Variants in TRIM37 observed in about 807,000 individuals in gnomAD.
TRIM37 encodes tripartite motif containing 37, also known as E3 ubiquitin-protein ligase TRIM37.
In TRIM37, 80 loss-of-function variants were observed where a neutral mutation model predicts 129.8. That is an observed-to-expected ratio of 0.62 (90% CI 0.51 to 0.74). The LOEUF is 0.74. Ranked by LOEUF, TRIM37 falls within the 30% of genes least tolerant of loss-of-function variation. TRIM37 has a pLI of 0.00. For missense variants in TRIM37, 1,054 were observed against 1,176.5 expected (o/e 0.90, Z 1.52); for synonymous variants, 389 against 387.1 (o/e 1.00, Z -0.06).
At chr17:59,032,169 T>G in intron 17 of TRIM37, 79 bp from the exon 18 acceptor site, 6 of 1,347,934 alleles carry the variant, frequency 4.5e-6, no homozygotes, top group Non-Finnish European at 6.3e-6. Flanking sequence ...CTGGTTAACA[T>G]TATATGAATA....
chr17:58,968,515 G>A, the TRIM37 span, among the ~76,000 whole-genome samples: 2 of 152,106 alleles, frequency 1.3e-5, no homozygotes, highest in South Asian at 4.1e-4. Context: ...ACAGCAACTC[G>A]TCCCTGCCTA....
downstream of TRIM37, chr17:58,979,951 C>G (rs1284680022): frequency 6.3e-7 from 1 of 1,581,560 alleles, no homozygotes; most frequent in Non-Finnish European, 8.6e-7. Context: ...GCTAATGATG[C>G]CCCTACACTC....
intron 9 of TRIM37, among the ~76,000 whole-genome samples, chr17:59,067,193 A>G (rs2041986815): frequency 6.6e-6 from 1 of 152,142 alleles, no homozygotes; most frequent in African/African-American, 2.4e-5. Context: ...ACATCTCCAT[A>G]TTATGCTCAT....
intron 19 of TRIM37, among the ~76,000 whole-genome samples, chr17:59,020,235 A>C (rs2036447996): frequency 1.2e-5 from 1 of 83,102 alleles, no homozygotes; most frequent in Non-Finnish European, 2.5e-5. Context: ...TGTCTCAAAA[A>C]AAAAAAAAAA....
chr17:58,996,782 G>GTATA (rs1457229314), downstream of TRIM37, among the ~76,000 whole-genome samples: 4 of 133,994 alleles, frequency 3.0e-5, no homozygotes, highest in African/African-American at 8.2e-5. Context: ...AAAAAAAAAA[G>GTATA]TATATATATA....
At position 59,098,300 on chromosome 17, in the gene TRIM37, T is replaced by C. The variant is rs145620698; in HGVS notation, c.123+5993A>G. Among the ~76,000 whole-genome samples the C allele has an allele frequency of 3.2e-3, 488 of 152,288 alleles. 2 individuals are homozygous for C. The highest frequency in any genetic ancestry group is 5.0e-3 in the Non-Finnish European group (340 of 68,026). ...ATGATGAAAAAGTACTAAAGGTGGA[T>C]AGTGGTGATGGCTGCACAACAATGT... On this transcript the variant is annotated intron_variant, in intron 2 of 23. Transcript: ENST00000262294.
At chr17:58,981,523 C>T (rs2031354432), downstream of TRIM37, 1 of 153,142 alleles carries the variant, frequency 6.5e-6, no homozygotes, top group Admixed American at 6.5e-5. Context: ...TGCCCCCTCA[C>T]CTTTTTGGGT....
chr17:59,001,606 G>A lies in TRIM37; in HGVS notation c.2804C>T (p.Pro935Leu), dbSNP rs763559706. Residue 935 changes from proline to leucine, a missense_variant, in exon 23 of 24, where the codon CCG (proline) becomes CTG (leucine). This residue lies in a region of TRIM37 where 287 missense variants were observed against 274.3 expected (regional missense o/e 1.05). Transcript: ENST00000262294. ...GACATCATGTGCTGCACCTTCATCC[G>A]GGGGCTGTGTCATGACCATGAAGGA... ...HDSFMVMTQP[P>L]DEDTHSSFPD... The A allele has an allele frequency of 1.9e-5, 31 of 1,613,760 alleles. No homozygotes were observed. The highest frequency in any genetic ancestry group is 2.3e-5 in the Non-Finnish European group (27 of 1,179,896).
chr17:59,051,947 T>C (rs1371813500), intron 13 of TRIM37, among the ~76,000 whole-genome samples: 1 of 152,094 alleles, frequency 6.6e-6, no homozygotes, highest in African/African-American at 2.4e-5. Flanking sequence ...TATATTTCTC[T>C]ATTCCATCTC....
chr17:59,096,563 C>CA lies in TRIM37; in HGVS notation c.124-5224dup, dbSNP rs71145522. Among the ~76,000 whole-genome samples, 688 of 113,872 alleles carry CA rather than the reference C, an allele frequency of 6.0e-3. 2 individuals carry two copies. The highest frequency in any genetic ancestry group is 9.3e-3 in the Middle Eastern group (2 of 216). The allele number at this position is 113,872 out of a possible 152,430, so 74.7% of individuals were successfully genotyped here. On this transcript the variant is annotated intron_variant, in intron 2 of 23. Transcript: ENST00000262294. ...AGACTCTGTCTCAAAAAAAAAAAAA[C>CA]AAAAAAAAAAAAACCAACTTTGTAA... is the stretch of plus-strand genomic sequence containing the variant.
intron 13 of TRIM37, among the ~76,000 whole-genome samples, chr17:59,055,685 C>CAAAA (rs934273591): frequency 1.3e-4 from 3 of 23,844 alleles, no homozygotes; most frequent in African/African-American, 4.3e-4. Context: ...GACTCCATCT[C>CAAAA]AAAAAAAAAA....
In TRIM37 at chr17:59,017,362, G is replaced by A. The variant is rs757575856; in HGVS notation, c.2320C>T (p.Leu774Phe). The change falls in exon 20 of 24, where the codon CTT (leucine) becomes TTT (phenylalanine). Residue 774 changes from leucine to phenylalanine, a missense_variant. Physicochemically the swap from Leu to Phe is conservative, Grantham distance 22 (BLOSUM62 0). This residue lies in a region of TRIM37 where 287 missense variants were observed against 274.3 expected (regional missense o/e 1.05). Coordinates refer to ENST00000262294, the MANE Select transcript of TRIM37 (RefSeq NM_015294.6). ...TCTCCAGGGTCCACTGCTCTTCGAAGTGATAGACTACCTGCTACACTGGAT... is the reference window on the plus strand; with the variant it reads ...TCTCCAGGGTCCACTGCTCTTCGAAATGATAGACTACCTGCTACACTGGAT... The part of the protein sequence containing the change: ...ARSSVAGSLS[L>F]RRAVDPGENS... The A allele has an allele frequency of 2.3e-5, 37 of 1,614,030 alleles. No homozygotes were observed. Among genetic ancestry groups the A allele is most frequent in the Non-Finnish European group, 3.1e-5 (36 of 1,180,010 alleles).
intron 2 of TRIM37, among the ~76,000 whole-genome samples, chr17:59,098,138 T>C (rs1697804494): frequency 6.6e-6 from 1 of 152,140 alleles, no homozygotes; most frequent in African/African-American, 2.4e-5. Flanking sequence ...TAAACAAAAA[T>C]ATTTTATGAT....
chr17:59,067,771 G>A (rs2042031411), intron 9 of TRIM37, among the ~76,000 whole-genome samples: 1 of 144,204 alleles, frequency 6.9e-6, no homozygotes, highest in Admixed American at 6.8e-5. Flanking sequence ...CCTGACTTCA[G>A]GTGATCCGCC....
chr17:59,083,971 T>C, intron 5 of TRIM37, 31 bp downstream of exon 5: 1 of 1,581,164 alleles, frequency 6.3e-7, no homozygotes, highest in Non-Finnish European at 8.7e-7. Context: ...AGCCTCTAAC[T>C]TAAAAAAAAT....
At position 59,031,996 on chromosome 17, in the gene TRIM37, T is replaced by C; in HGVS notation, c.1848A>G (p.Pro616=). ...GGTCCAACAAATGTATTAAAATTAA[T>C]GGATCAATGTCTAGTAAACTACTGG... The part of the protein sequence containing the change: ...AATSSLLDID[P]LILIHLLDLK... Residue 616 remains proline (P), a synonymous_variant, in exon 18 of 24, where the codon CCA becomes CCG. Transcript: ENST00000262294. 6.2e-7 allele frequency: 1 copy of C among 1,614,200 alleles called. No homozygotes were observed. Among genetic ancestry groups the C allele is most frequent in the Non-Finnish European group, 8.5e-7 (1 of 1,180,028 alleles).
At chr17:58,982,997 A>G in intron 24 of TRIM37, 1 of 1,385,664 alleles carries the variant, frequency 7.2e-7, no homozygotes, top group Non-Finnish European at 9.9e-7. Context: ...AAGTAAAAAA[A>G]AAAGCTTTTT....
intron 10 of TRIM37, among the ~76,000 whole-genome samples, chr17:59,063,168 CT>C (rs1015376331): frequency 2.7e-3 from 387 of 140,910 alleles, no homozygotes; most frequent in Middle Eastern, 3.6e-3. Context: ...TTCTGTGTGG[CT>C]TTTTTTTTTT....
chr17:59,095,712 T>C (rs1258971014), intron 2 of TRIM37, among the ~76,000 whole-genome samples: 2 of 152,122 alleles, frequency 1.3e-5, no homozygotes, highest in African/African-American at 4.8e-5. Flanking sequence ...ACATGCTAAA[T>C]ACTTTCTGGG....
Sources: gnomAD v4.1 joint callset for allele counts (sites outside exome capture counted in the v4.1 genomes callset) on GRCh38, gnomAD v4.1.1 for gene constraint, gnomAD v4.1.1 regional missense constraint, MANE v1.5 for transcripts, NCBI Gene and HGNC (gene_info 2026-07-23, HGNC 2026-07-21) for gene names.